The following CACNA2D1 variants were observed in gnomAD, a reference collection of about 807,000 sequenced individuals.
CACNA2D1 encodes calcium voltage-gated channel auxiliary subunit alpha2delta 1.
Under a neutral mutation model 171.5 loss-of-function variants are expected in CACNA2D1, and 53 were observed. The observed-to-expected ratio is 0.31, with a 90% confidence interval of 0.25 to 0.39. The LOEUF (loss-of-function observed/expected upper bound fraction) is 0.39. CACNA2D1 is among the 10% of genes least tolerant of loss of function. The pLI is 1.00. For missense variants in CACNA2D1, 903 were observed against 1,299.8 expected, an observed-to-expected ratio of 0.69 and a Z score of 4.69; for synonymous variants, 442 against 443.1, an observed-to-expected ratio of 1.00 and a Z score of 0.03.
chr7:82,364,185 T>A (rs1330588473), intron 1 of CACNA2D1, among the ~76,000 whole-genome samples: 1 of 152,102 alleles, frequency 6.6e-6, no homozygotes, highest in East Asian at 1.9e-4. Flanking sequence ...ATCATGTCAT[T>A]GCACTCCAGC....
chr7:82,321,387 A>G (rs899000455), intron 3 of CACNA2D1, among the ~76,000 whole-genome samples: 4 of 152,138 alleles, frequency 2.6e-5, no homozygotes, highest in Non-Finnish European at 5.9e-5. Flanking sequence ...TGACAGAGCA[A>G]GATTCTGTCT....
At chr7:82,030,956 T>C (rs183349835) in intron 12 of CACNA2D1, among the ~76,000 whole-genome samples, 429 of 152,088 alleles carry the variant, frequency 2.8e-3, no homozygotes, top group Non-Finnish European at 4.4e-3. Flanking sequence ...CCCCCAGTTA[T>C]ATTTTATAAT....
chr7:81,959,844 T>C lies in CACNA2D1; in HGVS notation c.2967-15A>G, dbSNP rs750119271. ...CATGAAAGATTCTGCAAAATAAATATGGTATCATAGAAAATGAGTATCTTT... is the reference window on the plus strand; with the variant it reads ...CATGAAAGATTCTGCAAAATAAATACGGTATCATAGAAAATGAGTATCTTT... On this transcript the variant is annotated splice_polypyrimidine_tract_variant and intron_variant, in intron 36 of 38. Coordinates refer to ENST00000356860, the MANE Select transcript of CACNA2D1 (RefSeq NM_000722.4). 4.3e-5 allele frequency: 69 copies of C among 1,609,386 alleles called. No homozygotes were observed. The highest frequency in any genetic ancestry group is 2.5e-4 in the Admixed American group (15 of 59,686).
intron 32 of CACNA2D1, among the ~76,000 whole-genome samples, chr7:81,964,768 A>T (rs1216549574): frequency 6.6e-6 from 1 of 151,924 alleles, no homozygotes; most frequent in East Asian, 1.9e-4. Context: ...TGTGTTGTCT[A>T]CCAGAAATTT....
chr7:82,271,669 G>C (rs147418734), intron 3 of CACNA2D1, among the ~76,000 whole-genome samples: 2,065 of 152,074 alleles, frequency 0.014, 39 homozygotes, highest in African/African-American at 0.047. Context: ...TTTGGAAGTT[G>C]AGAAAAAATA....
rs574223103 is a variant in CACNA2D1, at chr7:82,200,880, T to C, written c.295-30271A>G. ...AAGAAAGGCAATGAGATATGCAGCT[T>C]TTGAGACAAGCAATCTTATGACTGG... On this transcript the variant is annotated intron_variant, in intron 3 of 38. Coordinates refer to ENST00000356860, the MANE Select transcript of CACNA2D1 (RefSeq NM_000722.4). 4.6e-5 allele frequency among the ~76,000 whole-genome samples: 7 copies of C among 152,354 alleles called. No individual in the cohort carries two copies. The South Asian group carries it at 1.0e-3, about 23-fold the overall frequency.
intron 1 of CACNA2D1, among the ~76,000 whole-genome samples, chr7:82,442,960 G>A (rs2214833): frequency 0.65 from 99,484 of 152,156 alleles, 33,565 homozygotes; most frequent in African/African-American, 0.82. Context: ...GAAATTACCT[G>A]TTTGTAAATT....
At chr7:82,056,533 T>C (rs1805928873) in intron 10 of CACNA2D1, among the ~76,000 whole-genome samples, 1 of 151,728 alleles carries the variant, frequency 6.6e-6, no homozygotes, top group African/African-American at 2.4e-5. Flanking sequence ...GGCCCATGAA[T>C]GGAGGAGCTT....
intron 5 of CACNA2D1, among the ~76,000 whole-genome samples, chr7:82,127,093 C>T (rs1317060078): frequency 1.3e-5 from 2 of 152,226 alleles, no homozygotes; most frequent in Non-Finnish European, 2.9e-5. Flanking sequence ...TCTAACTGCA[C>T]TGCTTATTCT....
chr7:82,137,707 T>TAAAAAAAAAAAGAAAA (rs1791812694), intron 4 of CACNA2D1, among the ~76,000 whole-genome samples: 1 of 78,842 alleles, frequency 1.3e-5, no homozygotes, highest in Non-Finnish European at 2.4e-5. Context: ...CCGTCTCTAC[T>TAAAAAAAAAAAGAAAA]AAAAAAAAAA....
At chr7:82,303,139 G>A (rs62463041) in intron 3 of CACNA2D1, among the ~76,000 whole-genome samples, 7 of 151,954 alleles carry the variant, frequency 4.6e-5, no homozygotes, top group African/African-American at 1.2e-4. Context: ...GACTACAGGC[G>A]CCCGCCACCA....
chr7:81,953,161 C>G (rs904523504), intron 38 of CACNA2D1, among the ~76,000 whole-genome samples: 3 of 152,054 alleles, frequency 2.0e-5, no homozygotes, highest in Non-Finnish European at 4.4e-5. Context: ...ACTGCAGGTC[C>G]AAGTCACCAT....
intron 1 of CACNA2D1, among the ~76,000 whole-genome samples, chr7:82,392,798 TACA>T (rs2129450825): frequency 6.6e-6 from 1 of 152,216 alleles, no homozygotes; most frequent in East Asian, 1.9e-4. Flanking sequence ...CCCATATCAA[TACA>T]ACAATTCCAA....
At chr7:82,011,877 A>ATGCC (rs1248152827) in intron 15 of CACNA2D1, among the ~76,000 whole-genome samples, 1 of 152,192 alleles carries the variant, frequency 6.6e-6, no homozygotes, top group Non-Finnish European at 1.5e-5. Flanking sequence ...ACTTATTGAA[A>ATGCC]TGCCCATGTA....
rs553591434 is a variant in CACNA2D1, at chr7:82,186,201, G to GAA, written c.295-15593_295-15592insTT. ...GAAGGAAGGAAGGAAGGGAGGGAGG[G>GAA]AGGGAGGGAGGGAGGGAAAGAGAGA... On this transcript the variant is annotated intron_variant, in intron 3 of 38. Coordinates refer to ENST00000356860, the MANE Select transcript of CACNA2D1 (RefSeq NM_000722.4). Among the ~76,000 whole-genome samples, 44 of 124,006 alleles carry GAA rather than the reference G, an allele frequency of 3.5e-4. 1 individual carries two copies. In the East Asian group the frequency reaches 0.01, roughly 29 times the overall value. 81.4% of individuals were successfully genotyped at this position (124,006 alleles called of 152,430 possible). A position where few individuals can be genotyped will look rare whatever the true frequency, so the allele number is the denominator to read the frequency against.
intron 7 of CACNA2D1, among the ~76,000 whole-genome samples, chr7:82,073,146 T>C (rs1368100217): frequency 6.6e-6 from 1 of 152,082 alleles, no homozygotes; most frequent in Non-Finnish European, 1.5e-5. Flanking sequence ...AGAAACCTCA[T>C]GGAGAATACT....
chr7:82,099,400 C>G (rs1483707835), intron 6 of CACNA2D1, among the ~76,000 whole-genome samples: 1 of 139,146 alleles, frequency 7.2e-6, no homozygotes, highest in Non-Finnish European at 1.5e-5. Context: ...ATTACATACT[C>G]TAAAACAGGT....
At chr7:82,143,437 AC>A (rs760139443) in intron 4 of CACNA2D1, among the ~76,000 whole-genome samples, 1 of 152,174 alleles carries the variant, frequency 6.6e-6, no homozygotes, top group Non-Finnish European at 1.5e-5. Flanking sequence ...GTTAATACCT[AC>A]TTATACATGA....
chr7:82,238,312 C>A (rs1803857130), intron 3 of CACNA2D1, among the ~76,000 whole-genome samples: 1 of 151,934 alleles, frequency 6.6e-6, no homozygotes, highest in African/African-American at 2.4e-5. Context: ...CAATCATCTA[C>A]AACATAGGGG....
Sources: allele counts gnomAD v4.1 joint callset (sites outside exome capture counted in the v4.1 genomes callset), GRCh38; gene constraint gnomAD v4.1.1; transcripts MANE v1.5; gene names NCBI Gene and HGNC (gene_info 2026-07-23, HGNC 2026-07-21).